The following KCND2 variants were observed in gnomAD, a reference collection of about 807,000 sequenced individuals.
KCND2 encodes potassium voltage-gated channel subfamily D member 2.
In KCND2, 16 loss-of-function variants were observed where a neutral mutation model predicts 54.4. The observed-to-expected ratio is 0.29, with a 90% CI of 0.20 to 0.45. The LOEUF (loss-of-function observed/expected upper bound fraction) is 0.45, where lower values mean the gene tolerates loss of function less well. KCND2 is among the 20% of genes least tolerant of loss of function. The pLI, the probability that KCND2 is intolerant of heterozygous loss-of-function variation, is 1.00. For missense variants in KCND2, 486 were observed against 824.2 expected, an observed-to-expected ratio of 0.59 and a Z score of 5.02; for synonymous variants, 317 against 310.7, an observed-to-expected ratio of 1.02 and a Z score of -0.21.
At chr7:120,640,979 A>T (rs1352252007) in intron 1 of KCND2, among the ~76,000 whole-genome samples, 1 of 152,306 alleles carries the variant, frequency 6.6e-6, no homozygotes, top group Non-Finnish European at 1.5e-5. Flanking sequence ...GCCATTGGAG[A>T]GATTTCATTG....
chr7:120,656,552 T>A (rs1351275816), intron 1 of KCND2, among the ~76,000 whole-genome samples: 1 of 152,226 alleles, frequency 6.6e-6, no homozygotes, highest in African/African-American at 2.4e-5. Context: ...ATCTATAATG[T>A]GTTTTAATAA....
intron 1 of KCND2, among the ~76,000 whole-genome samples, chr7:120,417,638 G>T (rs1004749902): frequency 6.6e-6 from 1 of 152,174 alleles, no homozygotes; most frequent in African/African-American, 2.4e-5. Context: ...AATGATATAC[G>T]ATCCTGTGTT....
At position 120,274,019 on chromosome 7, in the gene KCND2, C is replaced by G. The variant is rs1229421375; in HGVS notation, c.-614C>G. The G allele has an allele frequency of 2.6e-5, 4 of 156,820 alleles. No individual in the cohort carries two copies. The highest frequency in any genetic ancestry group is 5.6e-5 in the Non-Finnish European group (4 of 70,820). The allele number at this position is 156,820 out of a possible 1,614,324, so 9.7% of individuals were successfully genotyped here. A position where few individuals can be genotyped will look rare whatever the true frequency, so the allele number is the denominator to read the frequency against. On this transcript the variant is annotated 5_prime_UTR_variant, in exon 1 of 6. Coordinates refer to ENST00000331113, the MANE Select transcript of KCND2 (RefSeq NM_012281.3). ...CACCTCCATCTCTGCAAATACAGCC[C>G]GAGGAGTAGAGGCAGCAGCAGCTGG...
chr7:120,609,613 AT>A (rs777782889), intron 1 of KCND2, among the ~76,000 whole-genome samples: 2 of 152,158 alleles, frequency 1.3e-5, no homozygotes, highest in East Asian at 3.8e-4. Flanking sequence ...CAAAAGCTGT[AT>A]CTTAAAAATG....
intron 1 of KCND2, among the ~76,000 whole-genome samples, chr7:120,630,612 C>T (rs906474744): frequency 6.6e-5 from 10 of 152,058 alleles, no homozygotes; most frequent in African/African-American, 2.4e-4. Context: ...AATCTATAAT[C>T]TATAAATATC....
At chr7:120,355,876 A>G (rs1800496903) in intron 1 of KCND2, among the ~76,000 whole-genome samples, 1 of 152,164 alleles carries the variant, frequency 6.6e-6, no homozygotes, top group Non-Finnish European at 1.5e-5. Context: ...ACTTGATATA[A>G]CTTCTAAATC....
At chr7:120,614,221 G>A (rs1456690388) in intron 1 of KCND2, among the ~76,000 whole-genome samples, 5 of 152,084 alleles carry the variant, frequency 3.3e-5, no homozygotes, top group African/African-American at 7.2e-5. Flanking sequence ...CCATGTTGGC[G>A]AGGCTGGTCT....
intron 1 of KCND2, among the ~76,000 whole-genome samples, chr7:120,400,000 A>G (rs1204663343): frequency 6.6e-6 from 1 of 152,142 alleles, no homozygotes; most frequent in Non-Finnish European, 1.5e-5. Flanking sequence ...TGCTGGGATT[A>G]CAGGCATGAG....
At chr7:120,531,877 G>A (rs1417447653) in intron 1 of KCND2, among the ~76,000 whole-genome samples, 1 of 151,892 alleles carries the variant, frequency 6.6e-6, no homozygotes, top group Non-Finnish European at 1.5e-5. Flanking sequence ...GAAATGCTGT[G>A]GTTCTACTTA....
chr7:120,684,200 G>A (rs943861014), intron 1 of KCND2, among the ~76,000 whole-genome samples: 5 of 152,090 alleles, frequency 3.3e-5, no homozygotes, highest in East Asian at 1.9e-4. Context: ...CTAGTGTGGC[G>A]TTATTCCTGG....
chr7:120,276,200 C>T (rs1354559153), intron 1 of KCND2, among the ~76,000 whole-genome samples: 1 of 152,188 alleles, frequency 6.6e-6, no homozygotes, highest in Middle Eastern at 3.4e-3. Flanking sequence ...TTATGGTGTA[C>T]ATTTTTCCTC....
At chr7:120,455,948 C>G (rs1227984953) in intron 1 of KCND2, among the ~76,000 whole-genome samples, 1 of 152,112 alleles carries the variant, frequency 6.6e-6, no homozygotes, top group Admixed American at 6.5e-5. Context: ...TACACATATA[C>G]CCTTAAACCT....
chr7:120,426,740 G>A (rs948025522), intron 1 of KCND2, among the ~76,000 whole-genome samples: 4 of 151,824 alleles, frequency 2.6e-5, no homozygotes, highest in African/African-American at 9.7e-5. Context: ...TCTTGCCTCA[G>A]CCTCCTGAGT....
chr7:120,554,619 A>G (rs1792140461), intron 1 of KCND2, among the ~76,000 whole-genome samples: 1 of 152,060 alleles, frequency 6.6e-6, no homozygotes. Context: ...CGTGTTAGCC[A>G]GGATGGTGTC....
At chr7:120,419,650 A>C (rs982887166) in intron 1 of KCND2, among the ~76,000 whole-genome samples, 1 of 151,780 alleles carries the variant, frequency 6.6e-6, no homozygotes, top group Non-Finnish European at 1.5e-5. Flanking sequence ...TTACATGTAC[A>C]TGCATGTATG....
At chr7:120,573,153 C>G (rs1398578194) in intron 1 of KCND2, among the ~76,000 whole-genome samples, 1 of 152,136 alleles carries the variant, frequency 6.6e-6, no homozygotes, top group Non-Finnish European at 1.5e-5. Flanking sequence ...GCTAAAACAG[C>G]AAGATTTGAG....
chr7:120,417,502 G>C (rs1801541060), intron 1 of KCND2, among the ~76,000 whole-genome samples: 1 of 152,086 alleles, frequency 6.6e-6, no homozygotes, highest in African/African-American at 2.4e-5. Flanking sequence ...TTGGTTGACT[G>C]GTCTATTTTT....
At chr7:120,695,340 A>ATGTTTGTCC (rs1163340192) in intron 1 of KCND2, among the ~76,000 whole-genome samples, 1 of 152,108 alleles carries the variant, frequency 6.6e-6, no homozygotes, top group East Asian at 1.9e-4. Context: ...CAGAAAAAGT[A>ATGTTTGTCC]TGTTTGTCCT....
At chr7:120,406,660 G>T (rs1017804187) in intron 1 of KCND2, among the ~76,000 whole-genome samples, 3 of 152,004 alleles carry the variant, frequency 2.0e-5, no homozygotes, top group Non-Finnish European at 2.9e-5. Flanking sequence ...CTTTACTGGA[G>T]AGGTGAGATA....
Sources: gnomAD v4.1 joint callset for allele counts (sites outside exome capture counted in the v4.1 genomes callset) on GRCh38, gnomAD v4.1.1 for gene constraint, MANE v1.5 for transcripts, NCBI Gene and HGNC (gene_info 2026-07-23, HGNC 2026-07-21) for gene names.